Variants in ATAD2B observed in about 807,000 individuals in gnomAD.
ATAD2B encodes the protein ATPase family AAA domain-containing protein 2B.
In ATAD2B, 40 loss-of-function variants were observed where a neutral mutation model predicts 167.6. The observed-to-expected ratio is 0.24, with a 90% CI of 0.19 to 0.31. The LOEUF is 0.31. Ranked by LOEUF, ATAD2B falls within the 10% of genes least tolerant of loss-of-function variation. ATAD2B has a pLI of 1.00. For synonymous variants in ATAD2B, 579 were observed against 596.5 expected (o/e 0.97, Z 0.43); for missense variants, 1,242 against 1,757.2 (o/e 0.71, Z 5.24).
At chr2:23,727,294 A>G in the ATAD2B span, among the ~76,000 whole-genome samples, 2 of 152,244 alleles carry the variant, frequency 1.3e-5, no homozygotes, top group Non-Finnish European at 2.9e-5. Context: ...CTTACCATCT[A>G]CAGACAGTAA....
At chr2:23,866,731 G>C (rs1695194095) in intron 10 of ATAD2B, among the ~76,000 whole-genome samples, 1 of 152,080 alleles carries the variant, frequency 6.6e-6, no homozygotes, top group Non-Finnish European at 1.5e-5. Flanking sequence ...TCAGATTAGA[G>C]ATAGTTAAAA....
rs777164378 is a variant in ATAD2B, at chr2:23,875,797, T to C, written c.977+32A>G. ...ACACAATTAGTCTCTCATTGACAAA[T>C]GCAAATGTTTCCTTTCAAAAACAAA... On this transcript the variant is annotated intron_variant, in intron 8 of 27. Coordinates refer to ENST00000238789, the MANE Select transcript of ATAD2B (RefSeq NM_017552.4). The C allele has an allele frequency of 1.6e-5, 23 of 1,436,610 alleles. 1 individual carries two copies. The South Asian group carries it at 2.6e-4, about 16-fold the overall frequency. The allele number at this position is 1,436,610 out of a possible 1,614,324, so 89.0% of individuals were successfully genotyped here.
intron 13 of ATAD2B, among the ~76,000 whole-genome samples, chr2:23,847,941 C>T (rs150097569): frequency 0.011 from 1,622 of 146,574 alleles, 17 homozygotes; most frequent in Middle Eastern, 0.04. Flanking sequence ...TGCAGTGAGC[C>T]GAGATCGCAC....
chr2:23,864,681 T>C (rs1360370271), intron 11 of ATAD2B, 128 bp downstream of exon 11: 1 of 476,524 alleles, frequency 2.1e-6, no homozygotes, highest in Non-Finnish European at 3.7e-6. Flanking sequence ...ACATTTCATT[T>C]CTAACTGTCA....
chr2:23,874,693 CAA>C (rs879884496), intron 8 of ATAD2B, among the ~76,000 whole-genome samples: 1 of 139,520 alleles, frequency 7.2e-6, no homozygotes, highest in Non-Finnish European at 1.6e-5. Context: ...GACCCTGTCT[CAA>C]AAAAAAAAAA....
At chr2:23,735,984 G>C in the ATAD2B span, among the ~76,000 whole-genome samples, 3 of 152,188 alleles carry the variant, frequency 2.0e-5, no homozygotes, top group Non-Finnish European at 4.4e-5. Context: ...AAAGGTAGGA[G>C]AGAACAAAAG....
chr2:23,703,685 C>T, the ATAD2B span: 3 of 1,507,312 alleles, frequency 2.0e-6, no homozygotes, highest in East Asian at 7.4e-5. Context: ...CCAAGACAAG[C>T]TGCCGTGACC....
chr2:23,845,645 T>C (rs1691666464), intron 13 of ATAD2B, among the ~76,000 whole-genome samples: 1 of 124,532 alleles, frequency 8.0e-6, no homozygotes, highest in Admixed American at 9.8e-5. Flanking sequence ...AGTGGCACAA[T>C]CAAAACACAC....
At chr2:23,877,470 G>C (rs528815824) in intron 7 of ATAD2B, among the ~76,000 whole-genome samples, 1 of 141,760 alleles carries the variant, frequency 7.1e-6, no homozygotes, top group African/African-American at 2.6e-5. Flanking sequence ...CTCCAGCCTA[G>C]GTGACAGAGC....
the ATAD2B span, among the ~76,000 whole-genome samples, chr2:23,681,233 G>A: frequency 1.3e-5 from 2 of 152,352 alleles, no homozygotes; most frequent in South Asian, 2.1e-4. The surrounding 1 kb of genome is among the most constrained non-coding windows in gnomAD (Gnocchi z 4.2). Context: ...ATCCCCTGGT[G>A]AGCACTTTCA....
At chr2:23,770,037 C>T (rs111374497) in intron 22 of ATAD2B, among the ~76,000 whole-genome samples, 3 of 151,526 alleles carry the variant, frequency 2.0e-5, no homozygotes, top group African/African-American at 7.3e-5. Flanking sequence ...TGACCGGACA[C>T]AGTAGCTCAC....
intron 17 of ATAD2B, among the ~76,000 whole-genome samples, chr2:23,818,518 A>C (rs188215667): frequency 1.3e-5 from 2 of 152,310 alleles, no homozygotes; most frequent in Admixed American, 1.3e-4. Flanking sequence ...TTTGCTATTA[A>C]AGAACATATG....
rs1189164755 is a variant in ATAD2B at position 23,785,853 on chromosome 2, A to G, written c.2973+174T>C. The G allele has an allele frequency of 5.8e-6, 3 of 520,760 alleles. No individual in the cohort carries two copies. The African/African-American group carries it at 5.9e-5, about 10-fold the overall frequency. The allele number at this position is 520,760 out of a possible 1,614,324, so 32.3% of individuals were successfully genotyped here. A position where few individuals can be genotyped will look rare whatever the true frequency, so the allele number is the denominator to read the frequency against. ...TAAATTGGTCGCTAATTTCATCCAAAAGTCACCAGATGTTTGCTGATGACA... is the reference window on the plus strand; with the variant it reads ...TAAATTGGTCGCTAATTTCATCCAAGAGTCACCAGATGTTTGCTGATGACA... On this transcript the variant is annotated intron_variant, in intron 21 of 27. Coordinates refer to ENST00000238789, the MANE Select transcript of ATAD2B (RefSeq NM_017552.4).
intron 13 of ATAD2B, among the ~76,000 whole-genome samples, chr2:23,842,984 A>C (rs1691162639): frequency 6.6e-6 from 1 of 152,186 alleles, no homozygotes; most frequent in Non-Finnish European, 1.5e-5. Flanking sequence ...CAAATTAAGA[A>C]CCAATAAAAA....
In ATAD2B at chr2:23,750,518, C is replaced by T. The variant is rs1018223009; in HGVS notation, c.*1528G>A. ...AAGACTCTGTAAACACTGTTGGTAA[C>T]TAAAATACAAAAAGCTGAGGTAGCT... On this transcript the variant is annotated 3_prime_UTR_variant, in exon 28 of 28. Coordinates refer to ENST00000238789, the MANE Select transcript of ATAD2B (RefSeq NM_017552.4). 1 of 152,042 alleles carries T rather than the reference C, an allele frequency of 6.6e-6. No homozygotes were observed. The highest frequency in any genetic ancestry group is 1.5e-5 in the Non-Finnish European group (1 of 67,976). The allele number at this position is 152,042 out of a possible 1,614,324, so 9.4% of individuals were successfully genotyped here.
At chr2:23,805,076 G>T (rs1684147995) in intron 18 of ATAD2B, among the ~76,000 whole-genome samples, 2 of 151,434 alleles carry the variant, frequency 1.3e-5, no homozygotes, top group Admixed American at 1.3e-4. Flanking sequence ...CCGGGAGGCG[G>T]AGGTTGCAAT....
the ATAD2B span, chr2:23,684,393 C>G: frequency 2.6e-6 from 4 of 1,516,738 alleles, no homozygotes; most frequent in Non-Finnish European, 3.5e-6. This position sits in a 1 kb window ranked among gnomAD's most constrained non-coding sequence, Gnocchi z 4.4. Flanking sequence ...CTTCTCTGTT[C>G]TGCAGAAATG....
At chr2:23,907,649 A>G (rs1449181792) in intron 1 of ATAD2B, among the ~76,000 whole-genome samples, 1 of 152,224 alleles carries the variant, frequency 6.6e-6, no homozygotes, top group African/African-American at 2.4e-5. Context: ...AACTTGGTTC[A>G]TATGGAACCA....
At chr2:23,897,990 C>G (rs1456058504) in intron 1 of ATAD2B, among the ~76,000 whole-genome samples, 5 of 152,086 alleles carry the variant, frequency 3.3e-5, no homozygotes, top group Non-Finnish European at 7.4e-5. Flanking sequence ...TTTTTTGAGA[C>G]AGAGTCTCAA....
Sources: allele counts gnomAD v4.1 joint callset (sites outside exome capture counted in the v4.1 genomes callset), GRCh38; gene constraint gnomAD v4.1.1; non-coding constraint Gnocchi (gnomAD v3.1); transcripts MANE v1.5; gene names NCBI Gene and HGNC (gene_info 2026-07-23, HGNC 2026-07-21).